Variants in ERBB4 observed in about 807,000 individuals in gnomAD.
ERBB4 encodes erb-b2 receptor tyrosine kinase 4.
A neutral mutation model predicts 158.0 loss-of-function variants in ERBB4; 42 were observed. The ratio of observed to expected loss-of-function variants is 0.27; its 90% CI spans 0.21 to 0.34. ERBB4 has a LOEUF of 0.34. Among genes scored for constraint, ERBB4 ranks in the 10% least tolerant of loss-of-function variants. The pLI, the probability that ERBB4 is intolerant of heterozygous loss-of-function variation, is 1.00. For synonymous variants in ERBB4, 583 were observed against 558.7 expected, an observed-to-expected ratio of 1.04 and a Z score of -0.61; for missense variants, 1,333 against 1,624.1, an observed-to-expected ratio of 0.82 and a Z score of 3.08.
chr2:211,685,660 C>A (rs1474753530), intron 12 of ERBB4, among the ~76,000 whole-genome samples: 1 of 152,150 alleles, frequency 6.6e-6, no homozygotes, highest in South Asian at 2.1e-4. Context: ...CTCAACAAAC[C>A]TTTTTGATAT....
chr2:212,201,873 C>T (rs2082595396), intron 1 of ERBB4, among the ~76,000 whole-genome samples: 1 of 152,208 alleles, frequency 6.6e-6, no homozygotes, highest in Non-Finnish European at 1.5e-5. Context: ...TATAGCCCTA[C>T]TATTATTCCT....
Position 211,786,009 on chromosome 2 carries a change from G to T in ERBB4, c.556+2016C>A, listed in dbSNP as rs546853034. On this transcript the variant is annotated intron_variant, in intron 4 of 27. Coordinates refer to ENST00000342788, the MANE Select transcript of ERBB4 (RefSeq NM_005235.3). ...TGCCTCAAAAAATATTAAAAATTCA[G>T]AGTTTGTTTTAGTAATTTAGACAGA... Among the ~76,000 whole-genome samples, 5 of 152,242 alleles carry T rather than the reference G, an allele frequency of 3.3e-5. No homozygotes were observed. In the South Asian group the frequency reaches 1.0e-3, roughly 32 times the overall value.
intron 1 of ERBB4, among the ~76,000 whole-genome samples, chr2:212,423,934 A>T (rs1036205741): frequency 2.6e-5 from 4 of 152,166 alleles, no homozygotes; most frequent in Non-Finnish European, 5.9e-5. Flanking sequence ...AAATTCCCAA[A>T]AGTTTATTAT....
intron 1 of ERBB4, chr2:212,125,262 A>G: frequency 5.0e-6 from 1 of 198,182 alleles, no homozygotes; most frequent in South Asian, 8.5e-5. Flanking sequence ...TAATTGGGTA[A>G]TTCTACAAAT....
intron 3 of ERBB4, among the ~76,000 whole-genome samples, chr2:211,888,656 G>C (rs1270146375): frequency 1.3e-5 from 2 of 152,244 alleles, no homozygotes; most frequent in East Asian, 3.9e-4. Context: ...TCTCACTAGG[G>C]AGTGCCAGAC....
intron 1 of ERBB4, among the ~76,000 whole-genome samples, chr2:212,136,265 G>A (rs1323870380): frequency 2.0e-5 from 3 of 152,178 alleles, no homozygotes; most frequent in Admixed American, 6.5e-5. Flanking sequence ...AATGGACTAT[G>A]GCCTTTCTCT....
intron 1 of ERBB4, among the ~76,000 whole-genome samples, chr2:212,301,850 AACATC>A (rs1279359738): frequency 4.6e-5 from 7 of 151,440 alleles, no homozygotes; most frequent in Non-Finnish European, 8.9e-5. Context: ...TTTGAAAAAT[AACATC>A]ACATCTTATT....
At chr2:212,190,386 A>T (rs939230794) in intron 1 of ERBB4, among the ~76,000 whole-genome samples, 1 of 152,022 alleles carries the variant, frequency 6.6e-6, no homozygotes, top group African/African-American at 2.4e-5. Context: ...AATACAAAAA[A>T]ATTAGCCGGG....
chr2:212,333,047 A>C (rs1170035023), intron 1 of ERBB4, among the ~76,000 whole-genome samples: 1 of 152,076 alleles, frequency 6.6e-6, no homozygotes, highest in Non-Finnish European at 1.5e-5. Context: ...AACAATCCCT[A>C]GAGAGGATTT....
intron 1 of ERBB4, among the ~76,000 whole-genome samples, chr2:212,259,739 G>A (rs1342873586): frequency 3.3e-5 from 5 of 151,910 alleles, no homozygotes; most frequent in Non-Finnish European, 5.9e-5. Flanking sequence ...TAAATGGTAC[G>A]ATTTCTACCG....
intron 12 of ERBB4, among the ~76,000 whole-genome samples, chr2:211,687,445 G>T (rs1416515161): frequency 6.6e-6 from 1 of 152,150 alleles, no homozygotes; most frequent in Non-Finnish European, 1.5e-5. Flanking sequence ...AGATTGGCCT[G>T]GTGAGAGTAG....
At chr2:211,893,606 C>G (rs2079025082) in intron 3 of ERBB4, among the ~76,000 whole-genome samples, 1 of 139,978 alleles carries the variant, frequency 7.1e-6, no homozygotes, top group Non-Finnish European at 1.5e-5. Context: ...AAGAAGCTAC[C>G]ATCAGAGTGA....
intron 3 of ERBB4, among the ~76,000 whole-genome samples, chr2:211,929,396 A>C (rs2125095179): frequency 6.6e-6 from 1 of 152,242 alleles, no homozygotes; most frequent in South Asian, 2.1e-4. Context: ...AATAAAAAGT[A>C]ATCAAAAAGA....
chr2:211,999,723 C>G (rs1386646177), intron 2 of ERBB4, among the ~76,000 whole-genome samples: 1 of 151,610 alleles, frequency 6.6e-6, no homozygotes, highest in Non-Finnish European at 1.5e-5. Flanking sequence ...ATTTCTTTTA[C>G]CTCTGTCTAT....
chr2:211,529,261 T>C, intron 20 of ERBB4, among the ~76,000 whole-genome samples: 1 of 151,528 alleles, frequency 6.6e-6, no homozygotes, highest in East Asian at 1.9e-4. Flanking sequence ...CTAGGAGAAA[T>C]GAATAAATTC....
At chr2:211,723,630 A>G (rs2074173596) in intron 6 of ERBB4, among the ~76,000 whole-genome samples, 1 of 152,130 alleles carries the variant, frequency 6.6e-6, no homozygotes, top group African/African-American at 2.4e-5. Flanking sequence ...ATTCACTAAG[A>G]TGACACATTC....
At chr2:211,731,538 GTTTA>G (rs2074427476) in intron 5 of ERBB4, among the ~76,000 whole-genome samples, 2 of 152,048 alleles carry the variant, frequency 1.3e-5, no homozygotes, top group Non-Finnish European at 2.9e-5. Flanking sequence ...CTTCTTAAGT[GTTTA>G]TTTGTCAGTA....
chr2:212,045,940 T>C (rs1030509377), intron 2 of ERBB4, among the ~76,000 whole-genome samples: 1 of 152,162 alleles, frequency 6.6e-6, no homozygotes, highest in Admixed American at 6.5e-5. Context: ...TGTCAAACCC[T>C]CCTACTTTGT....
chr2:211,972,001 A>G (rs1342350316), intron 2 of ERBB4, among the ~76,000 whole-genome samples: 1 of 152,222 alleles, frequency 6.6e-6, no homozygotes, highest in African/African-American at 2.4e-5. Flanking sequence ...ACATGATTCT[A>G]TATCTAGAAA....
Sources: gnomAD v4.1 joint callset for allele counts (sites outside exome capture counted in the v4.1 genomes callset) on GRCh38, gnomAD v4.1.1 for gene constraint, MANE v1.5 for transcripts, NCBI Gene and HGNC (gene_info 2026-07-23, HGNC 2026-07-21) for gene names.